Variants in GEMIN7 observed in about 807,000 individuals in gnomAD.
GEMIN7 encodes gem-associated protein 7.
In GEMIN7, 7 loss-of-function variants were observed where a neutral mutation model predicts 7.8. That is an observed-to-expected ratio of 0.90 (90% CI 0.51 to 1.69). The LOEUF is 1.69. Among genes scored for constraint, GEMIN7 ranks in the 40% most tolerant of loss-of-function variants. The pLI is 0.00. For missense variants in GEMIN7, 159 were observed against 176.2 expected (o/e 0.90, Z 0.55); for synonymous variants, 68 against 72.4 (o/e 0.94, Z 0.31).
upstream of GEMIN7, chr19:45,076,435 A>AGGCGGG: frequency 8.6e-7 from 1 of 1,169,218 alleles, no homozygotes; most frequent in Non-Finnish European, 1.1e-6. This position sits in a 1 kb window ranked among gnomAD's most constrained non-coding sequence, Gnocchi z 4.9. Flanking sequence ...CGGAGGACGC[A>AGGCGGG]CGAGCGGAGG....
upstream of GEMIN7, among the ~76,000 whole-genome samples, chr19:45,078,317 T>C (rs987259753): frequency 1.3e-5 from 2 of 152,114 alleles, no homozygotes; most frequent in African/African-American, 4.8e-5. Context: ...CTCGAACTCC[T>C]GACCTCAGGT....
intron 2 of GEMIN7, among the ~76,000 whole-genome samples, chr19:45,089,531 A>G (rs1008874517): frequency 1.3e-5 from 2 of 152,004 alleles, no homozygotes; most frequent in Non-Finnish European, 2.9e-5. Context: ...TGTGAGAGAA[A>G]GCTGGGGTTT....
chr19:45,076,302 C>G, upstream of GEMIN7: 1 of 1,440,474 alleles, frequency 6.9e-7, no homozygotes. This position sits in a 1 kb window ranked among gnomAD's most constrained non-coding sequence, Gnocchi z 4.9. Context: ...GCATTTCCAT[C>G]TCGTCGTCTG....
At position 45,091,337 on chromosome 19, in the gene GEMIN7, T is replaced by C. The variant is rs3745157; in HGVS notation, c.*827T>C. The C allele has an allele frequency of 0.28, 46,883 of 167,136 alleles. 6,891 individuals carry two copies. Among genetic ancestry groups the C allele is most frequent in the Non-Finnish European group, 0.33 (22,258 of 68,102 alleles). The allele number at this position is 167,136 out of a possible 1,614,324, so 10.4% of individuals were successfully genotyped here. The stretch of plus-strand genomic sequence containing the variant: ...AGGGTGCAACTTCACTCCCTCCTCT[T>C]TTCTCTCCAGCCTTGCAGCGTGGCC... On this transcript the variant is annotated 3_prime_UTR_variant, in exon 3 of 3. Coordinates refer to ENST00000270257, the MANE Select transcript of GEMIN7 (RefSeq NM_024707.3).
rs1345282442 is a variant in GEMIN7 at position 45,090,709 on chromosome 19, C to T, written c.*199C>T. On this transcript the variant is annotated 3_prime_UTR_variant, in exon 3 of 3. Transcript: ENST00000270257. ...TGCAACTCTAGGAATTCTAAGATCC[C>T]ATTGGAAGGAATGCTCTACCTCACA... 7 of 590,900 alleles carry T rather than the reference C, an allele frequency of 1.2e-5. No homozygotes were observed. Among genetic ancestry groups the T allele is most frequent in the African/African-American group, 1.1e-4 (6 of 53,484 alleles). 36.6% of individuals were successfully genotyped at this position (590,900 alleles called of 1,614,324 possible). A position where few individuals can be genotyped will look rare whatever the true frequency, so the allele number is the denominator to read the frequency against.
chr19:45,075,749 G>T, upstream of GEMIN7: 1 of 1,614,156 alleles, frequency 6.2e-7, no homozygotes, highest in South Asian at 1.1e-5. Flanking sequence ...CTGAAGAGCT[G>T]ACAGCCCAGC....
At chr19:45,085,132 T>C (rs1014048436) in intron 2 of GEMIN7, among the ~76,000 whole-genome samples, 3 of 149,880 alleles carry the variant, frequency 2.0e-5, no homozygotes, top group Non-Finnish European at 3.0e-5. Context: ...GTTGACCAGG[T>C]TGGTCTCAAA....
chr19:45,084,826 G>A (rs903049728), intron 2 of GEMIN7, among the ~76,000 whole-genome samples: 3 of 152,234 alleles, frequency 2.0e-5, no homozygotes, highest in African/African-American at 7.2e-5. Context: ...CGCAGTCTCG[G>A]CTCACCACAA....
At chr19:45,085,435 G>A (rs1383940496) in intron 2 of GEMIN7, 1 of 152,218 alleles carries the variant, frequency 6.6e-6, no homozygotes, top group Admixed American at 6.6e-5. Flanking sequence ...GGATGCTACT[G>A]GCATCTATTA....
intron 2 of GEMIN7, among the ~76,000 whole-genome samples, 199 bp from the exon 3 acceptor site, chr19:45,089,908 A>G (rs898990061): frequency 6.6e-6 from 1 of 152,232 alleles, no homozygotes; most frequent in Non-Finnish European, 1.5e-5. Flanking sequence ...CACGGGGCTC[A>G]TGTTTTTGTG....
chr19:45,083,913 C>T (rs983359505), intron 2 of GEMIN7, among the ~76,000 whole-genome samples: 1 of 151,900 alleles, frequency 6.6e-6, no homozygotes, highest in Non-Finnish European at 1.5e-5. Context: ...TTCTTGCTTT[C>T]TGAAATTAAA....
chr19:45,079,693 G>A (rs1179609837), intron 1 of GEMIN7, among the ~76,000 whole-genome samples: 1 of 152,204 alleles, frequency 6.6e-6, no homozygotes, highest in African/African-American at 2.4e-5. Flanking sequence ...GACCTACTTA[G>A]TATAAGAAAA....
chr19:45,082,828 T>A (rs7254475), intron 2 of GEMIN7, among the ~76,000 whole-genome samples: 87,699 of 148,030 alleles, frequency 0.59, 26,666 homozygotes, highest in African/African-American at 0.68. Context: ...GCTATATTGC[T>A]CAGGCTGGTC....
At chr19:45,084,766 A>T (rs534486764) in intron 2 of GEMIN7, among the ~76,000 whole-genome samples, 79 of 152,102 alleles carry the variant, frequency 5.2e-4, no homozygotes, top group Admixed American at 3.2e-3. Context: ...TTATTTATTT[A>T]TTTTTTGAGA....
At chr19:45,083,787 C>T (rs1375702849) in intron 2 of GEMIN7, among the ~76,000 whole-genome samples, 19 of 151,156 alleles carry the variant, frequency 1.3e-4, no homozygotes, top group Middle Eastern at 3.4e-3. Flanking sequence ...TTTCTGGAGA[C>T]GAGATTTTGC....
chr19:45,075,904 G>A, upstream of GEMIN7: 1 of 1,610,518 alleles, frequency 6.2e-7, no homozygotes, highest in South Asian at 1.1e-5. Flanking sequence ...GTGGGGCCAG[G>A]ATGGGGGCTG....
chr19:45,076,114 G>A (rs1967343084), upstream of GEMIN7: 2 of 1,572,724 alleles, frequency 1.3e-6, no homozygotes, highest in Non-Finnish European at 8.6e-7. The surrounding 1 kb of genome is among the most constrained non-coding windows in gnomAD (Gnocchi z 4.9). Context: ...CAGGGTCCAC[G>A]GGTTCCGCGG....
upstream of GEMIN7, among the ~76,000 whole-genome samples, chr19:45,078,451 C>T (rs1014607404): frequency 1.3e-5 from 2 of 152,186 alleles, no homozygotes; most frequent in Non-Finnish European, 2.9e-5. Flanking sequence ...CATATTTGCT[C>T]ATTTTACCCT....
intron 2 of GEMIN7, among the ~76,000 whole-genome samples, chr19:45,087,958 T>G (rs1967755394): frequency 1.1e-5 from 1 of 88,472 alleles, no homozygotes; most frequent in Non-Finnish European, 2.3e-5. Context: ...TTTTTTTTTT[T>G]TTTTTGAGAC....
Sources: allele counts gnomAD v4.1 joint callset (sites outside exome capture counted in the v4.1 genomes callset), GRCh38; gene constraint gnomAD v4.1.1; non-coding constraint Gnocchi (gnomAD v3.1); transcripts MANE v1.5; gene names NCBI Gene and HGNC (gene_info 2026-07-23, HGNC 2026-07-21).